The following DLGAP4 variants were observed in gnomAD, a reference collection of about 807,000 sequenced individuals.
DLGAP4 encodes disks large-associated protein 4.
In DLGAP4, 18 loss-of-function variants were observed where a neutral mutation model predicts 86.9. The observed-to-expected ratio is 0.21, with a 90% CI of 0.14 to 0.31. DLGAP4 has a LOEUF of 0.31. DLGAP4 is among the 10% of genes least tolerant of loss of function. DLGAP4 has a pLI of 1.00. For synonymous variants in DLGAP4, 548 were observed against 574.3 expected, an observed-to-expected ratio of 0.95 and a Z score of 0.65; for missense variants, 1,085 against 1,362.6, an observed-to-expected ratio of 0.80 and a Z score of 3.21.
chr20:36,313,048 G>A (rs1180456403), intron 1 of DLGAP4, among the ~76,000 whole-genome samples: 7 of 152,202 alleles, frequency 4.6e-5, no homozygotes, highest in South Asian at 4.1e-4. Flanking sequence ...GGGATGAAAC[G>A]AGCTGGGCTT....
At chr20:36,441,454 G>A (rs958717941) in intron 5 of DLGAP4, among the ~76,000 whole-genome samples, 4 of 152,160 alleles carry the variant, frequency 2.6e-5, no homozygotes, top group Non-Finnish European at 4.4e-5. Context: ...GCCTTCCCAG[G>A]CGCTGTTCCC....
intron 2 of DLGAP4, among the ~76,000 whole-genome samples, chr20:36,421,302 A>G (rs1368836294): frequency 2.6e-5 from 4 of 151,512 alleles, no homozygotes; most frequent in African/African-American, 9.7e-5. Flanking sequence ...CTAAGAATAC[A>G]AAAAAATTGG....
chr20:36,451,609 A>C (rs1029803061), intron 7 of DLGAP4, among the ~76,000 whole-genome samples: 4 of 151,424 alleles, frequency 2.6e-5, no homozygotes, highest in African/African-American at 4.9e-5. Context: ...CCTCGGCCTC[A>C]CAAAGTGCTG....
chr20:36,436,148 TC>T lies in DLGAP4; in HGVS notation c.1043del (p.Pro348HisfsTer52). On this transcript the variant is annotated frameshift_variant, in exon 4 of 13. Coordinates refer to ENST00000339266, the MANE Select transcript of DLGAP4 (RefSeq NM_001365621.2). LOFTEE classifies it high-confidence loss of function. ...CGGCGAGTGGAGCACCACGCTGCTG[TC>T]CCCACGCGAGACGGATGCCGCGGCC... Reference protein sequence around the residue: ...GGGEWSTTLLSPRETDAAAEG... With the variant: ...GGGEWSTTLLXPRETDAAAEG... 1 of 1,593,704 alleles carries T rather than the reference TC, an allele frequency of 6.3e-7. No homozygotes were observed.
intron 2 of DLGAP4, among the ~76,000 whole-genome samples, chr20:36,404,825 T>C (rs1246940763): frequency 6.6e-6 from 1 of 152,234 alleles, no homozygotes; most frequent in African/African-American, 2.4e-5. Flanking sequence ...TTGCAGCTTG[T>C]GCAGAGCCCA....
At chr20:36,433,173 G>A (rs1476516382) in intron 3 of DLGAP4, among the ~76,000 whole-genome samples, 1 of 152,130 alleles carries the variant, frequency 6.6e-6, no homozygotes, top group Non-Finnish European at 1.5e-5. Flanking sequence ...GCGAGGGAGG[G>A]GTAGATGGAC....
intron 2 of DLGAP4, among the ~76,000 whole-genome samples, chr20:36,410,866 G>T (rs1189578408): frequency 6.6e-6 from 1 of 152,314 alleles, no homozygotes; most frequent in African/African-American, 2.4e-5. Flanking sequence ...GTTCCCAGCG[G>T]GGTTAAGCCT....
chr20:36,391,083 A>G (rs1489377195), intron 2 of DLGAP4, among the ~76,000 whole-genome samples: 1 of 152,090 alleles, frequency 6.6e-6, no homozygotes. Context: ...TTTAAATGCT[A>G]GAAACTCAGC....
intron 2 of DLGAP4, among the ~76,000 whole-genome samples, chr20:36,413,205 C>T (rs1240535260): frequency 2.6e-5 from 4 of 151,222 alleles, no homozygotes; most frequent in African/African-American, 9.7e-5. Context: ...CTCGAACTCC[C>T]CACCTCAGAT....
chr20:36,466,473 T>C (rs1009824312), intron 7 of DLGAP4, among the ~76,000 whole-genome samples: 1 of 152,122 alleles, frequency 6.6e-6, no homozygotes, highest in Non-Finnish European at 1.5e-5. Flanking sequence ...GGCTGTGGAA[T>C]TGAACACCTG....
intron 2 of DLGAP4, among the ~76,000 whole-genome samples, chr20:36,371,229 A>G (rs544789330): frequency 1.3e-5 from 2 of 152,218 alleles, no homozygotes; most frequent in Non-Finnish European, 2.9e-5. Context: ...AACTGACACT[A>G]GGGACATGTC....
At chr20:36,336,659 A>G (rs781927510) in intron 1 of DLGAP4, among the ~76,000 whole-genome samples, 3 of 152,158 alleles carry the variant, frequency 2.0e-5, no homozygotes, top group Non-Finnish European at 4.4e-5. Flanking sequence ...TAAGGGGACA[A>G]TGGGGGTCCA....
intron 7 of DLGAP4, among the ~76,000 whole-genome samples, chr20:36,479,205 G>T (rs2035075849): frequency 6.6e-6 from 1 of 152,138 alleles, no homozygotes. Flanking sequence ...GTCAAGACTT[G>T]TTCCAGCATC....
intron 8 of DLGAP4, chr20:36,498,745 G>A (rs1191154879): frequency 2.6e-5 from 4 of 154,748 alleles, no homozygotes; most frequent in African/African-American, 9.6e-5. Flanking sequence ...GGTGCCTCAT[G>A]CCCTAGATTG....
intron 2 of DLGAP4, among the ~76,000 whole-genome samples, chr20:36,373,636 A>G (rs1288241743): frequency 2.6e-5 from 4 of 152,234 alleles, no homozygotes; most frequent in Non-Finnish European, 5.9e-5. Flanking sequence ...GACCTAAAGT[A>G]GACCAAATGG....
chr20:36,307,856 A>C (rs1165175346), intron 1 of DLGAP4, among the ~76,000 whole-genome samples: 1 of 152,184 alleles, frequency 6.6e-6, no homozygotes, highest in Non-Finnish European at 1.5e-5. Flanking sequence ...GGTGGGAATC[A>C]GTTGTACAGG....
chr20:36,461,526 T>TGGC (rs1471016760), intron 7 of DLGAP4: 3 of 982,610 alleles, frequency 3.1e-6, no homozygotes, highest in Admixed American at 6.3e-5. Flanking sequence ...TGCCCGCCGC[T>TGGC]GGCCGCCGCC....
At chr20:36,490,970 G>A (rs900609178) in intron 7 of DLGAP4, among the ~76,000 whole-genome samples, 12 of 151,690 alleles carry the variant, frequency 7.9e-5, no homozygotes, top group South Asian at 2.1e-4. Context: ...CAAGGTGGGC[G>A]GATCACGAGG....
intron 1 of DLGAP4, among the ~76,000 whole-genome samples, chr20:36,338,227 G>A (rs547957814): frequency 6.6e-6 from 1 of 152,300 alleles, no homozygotes; most frequent in African/African-American, 2.4e-5. Context: ...AGTGCAAGGG[G>A]GGAGGCAGGA....
Sources: gnomAD v4.1 joint callset for allele counts (sites outside exome capture counted in the v4.1 genomes callset) on GRCh38, gnomAD v4.1.1 for gene constraint, MANE v1.5 for transcripts, NCBI Gene and HGNC (gene_info 2026-07-23, HGNC 2026-07-21) for gene names.